The following CSTPP1 variants were observed in gnomAD, a reference collection of about 807,000 sequenced individuals.
The protein encoded by CSTPP1 is centriolar satellite-associated tubulin polyglutamylase complex regulator 1.
chr11:47,077,907 C>T, the CSTPP1 span, among the ~76,000 whole-genome samples: 2 of 151,266 alleles, frequency 1.3e-5, no homozygotes, highest in Admixed American at 6.6e-5. Flanking sequence ...CCCCACAAAC[C>T]GAGAAAGAAA....
the CSTPP1 span, among the ~76,000 whole-genome samples, chr11:47,058,522 A>C: frequency 6.6e-6 from 1 of 152,194 alleles, no homozygotes. Context: ...GAAAACATGA[A>C]TATGATTAGG....
the CSTPP1 span, among the ~76,000 whole-genome samples, chr11:47,080,990 T>C: frequency 2.4e-5 from 3 of 122,770 alleles, no homozygotes; most frequent in South Asian, 2.5e-4. Context: ...GCCTGGGCAA[T>C]AGAGCAAGAC....
the CSTPP1 span, among the ~76,000 whole-genome samples, chr11:46,982,499 A>G: frequency 7.9e-5 from 12 of 152,106 alleles, no homozygotes; most frequent in Non-Finnish European, 1.6e-4. Flanking sequence ...GAAATTCTAG[A>G]CCCCTCAAAC....
At chr11:47,055,318 C>T in the CSTPP1 span, among the ~76,000 whole-genome samples, 1 of 151,016 alleles carries the variant, frequency 6.6e-6, no homozygotes, top group African/African-American at 2.4e-5. Flanking sequence ...TTCTTTCTTG[C>T]CTTCCTTCCT....
At chr11:46,955,602 A>T in the CSTPP1 span, among the ~76,000 whole-genome samples, 1 of 149,910 alleles carries the variant, frequency 6.7e-6, no homozygotes, top group African/African-American at 2.4e-5. Context: ...TGACCTTGTG[A>T]TTCGCCCGCC....
chr11:47,060,919 G>A, the CSTPP1 span, among the ~76,000 whole-genome samples: 1 of 152,172 alleles, frequency 6.6e-6, no homozygotes, highest in Non-Finnish European at 1.5e-5. Flanking sequence ...AGACCCGTTA[G>A]GAGACTACTA....
chr11:47,049,089 A>T, the CSTPP1 span, among the ~76,000 whole-genome samples: 1 of 152,010 alleles, frequency 6.6e-6, no homozygotes, highest in African/African-American at 2.4e-5. Flanking sequence ...AGGCTCCAGC[A>T]GTCCTCCCAC....
chr11:47,044,496 A>G, the CSTPP1 span, among the ~76,000 whole-genome samples: 1 of 152,190 alleles, frequency 6.6e-6, no homozygotes, highest in East Asian at 1.9e-4. Flanking sequence ...AGAATAGAGA[A>G]TGAATAATTT....
At chr11:46,945,162 A>G in the CSTPP1 span, among the ~76,000 whole-genome samples, 1 of 152,124 alleles carries the variant, frequency 6.6e-6, no homozygotes, top group East Asian at 1.9e-4. Context: ...ACCCAATTCT[A>G]TTCTAGGAAA....
chr11:46,967,940 G>A, the CSTPP1 span, among the ~76,000 whole-genome samples: 1 of 151,912 alleles, frequency 6.6e-6, no homozygotes, highest in Non-Finnish European at 1.5e-5. Context: ...TTAGAAAAGG[G>A]GCTCCGGTGA....
chr11:47,162,441 G>T, the CSTPP1 span, among the ~76,000 whole-genome samples: 5 of 152,164 alleles, frequency 3.3e-5, no homozygotes, highest in Non-Finnish European at 7.3e-5. Context: ...CAGCTGGAAC[G>T]GCCTTCAGGA....
the CSTPP1 span, among the ~76,000 whole-genome samples, chr11:47,017,844 T>C: frequency 1.3e-5 from 2 of 151,944 alleles, no homozygotes; most frequent in Non-Finnish European, 2.9e-5. Flanking sequence ...ATTTTTGTGT[T>C]ATTAGTAGAG....
the CSTPP1 span, among the ~76,000 whole-genome samples, chr11:47,011,073 A>T: frequency 2.0e-5 from 3 of 152,228 alleles, no homozygotes; most frequent in African/African-American, 7.2e-5. Flanking sequence ...AAAGCTGAAC[A>T]TATTAAAACT....
At chr11:46,992,167 C>T in the CSTPP1 span, among the ~76,000 whole-genome samples, 1 of 152,022 alleles carries the variant, frequency 6.6e-6, no homozygotes, top group Non-Finnish European at 1.5e-5. Flanking sequence ...ACTATCTACT[C>T]TTCTAGATTT....
At chr11:47,145,466 C>T in the CSTPP1 span, among the ~76,000 whole-genome samples, 1 of 151,788 alleles carries the variant, frequency 6.6e-6, no homozygotes, top group Non-Finnish European at 1.5e-5. Context: ...AAAAATTAGT[C>T]GGGTGGGGTG....
At chr11:47,122,507 C>T in the CSTPP1 span, among the ~76,000 whole-genome samples, 1 of 151,996 alleles carries the variant, frequency 6.6e-6, no homozygotes, top group Admixed American at 6.5e-5. Flanking sequence ...CCTTCCACAG[C>T]TTTGTTAAGA....
chr11:47,065,938 T>C, the CSTPP1 span, among the ~76,000 whole-genome samples: 3 of 151,386 alleles, frequency 2.0e-5, no homozygotes, highest in Non-Finnish European at 2.9e-5. Flanking sequence ...TGATTTTGTA[T>C]GCTGCATCTT....
At chr11:46,936,930 G>C in the CSTPP1 span, 2 of 1,394,492 alleles carry the variant, frequency 1.4e-6, no homozygotes, top group East Asian at 2.9e-5. Flanking sequence ...GCGGGGGCGG[G>C]GTCTGAGTGG....
chr11:47,044,335 TTTG>T, the CSTPP1 span, among the ~76,000 whole-genome samples: 6 of 152,058 alleles, frequency 3.9e-5, no homozygotes, highest in Non-Finnish European at 7.4e-5. Context: ...TGTTTTGTTT[TTTG>T]TTGTTGTTGT....
Sources: allele counts gnomAD v4.1 joint callset (sites outside exome capture counted in the v4.1 genomes callset), GRCh38; gene constraint gnomAD v4.1.1; transcripts MANE v1.5; gene names NCBI Gene and HGNC (gene_info 2026-07-23, HGNC 2026-07-21).